STK3: variants seen among roughly 807,000 people sequenced by gnomAD.
STK3 encodes the protein serine/threonine kinase 3.
Under a neutral mutation model 58.0 loss-of-function variants are expected in STK3, and 41 were observed. That is an observed-to-expected ratio of 0.71 (90% CI 0.55 to 0.92). The LOEUF (loss-of-function observed/expected upper bound fraction) is 0.92. STK3 is among the 40% of genes least tolerant of loss of function. The pLI, the probability that STK3 is intolerant of heterozygous loss-of-function variation, is 0.00. For missense variants in STK3, 479 were observed against 602.7 expected, an observed-to-expected ratio of 0.79 and a Z score of 2.15; for synonymous variants, 170 against 191.0, an observed-to-expected ratio of 0.89 and a Z score of 0.91.
chr8:98,891,888 A>G (rs1167051658), intron 1 of STK3, among the ~76,000 whole-genome samples: 1 of 152,266 alleles, frequency 6.6e-6, no homozygotes, highest in Non-Finnish European at 1.5e-5. Flanking sequence ...ATTCTAGGAA[A>G]TACTCTGGTC....
intron 6 of STK3, among the ~76,000 whole-genome samples, chr8:98,696,538 C>G (rs1419027158): frequency 2.0e-5 from 3 of 151,988 alleles, no homozygotes; most frequent in Admixed American, 2.0e-4. Context: ...CCCATCAATA[C>G]CTAATTTATG....
chr8:98,411,467 C>T (rs916168186), intron 3 of STK3, among the ~76,000 whole-genome samples: 31 of 152,240 alleles, frequency 2.0e-4, no homozygotes, highest in African/African-American at 7.0e-4. Context: ...CTTTCTTCTT[C>T]CCCTATAGAG....
intron 3 of STK3, chr8:98,431,600 C>T (rs577592094): frequency 6.0e-6 from 1 of 167,114 alleles, no homozygotes; most frequent in African/African-American, 2.4e-5. Context: ...TATCCATGGC[C>T]GCTGACCAGG....
chr8:98,381,985 GTTTT>G (rs2131001864), intron 1 of STK3, among the ~76,000 whole-genome samples: 1 of 152,298 alleles, frequency 6.6e-6, no homozygotes, highest in East Asian at 1.9e-4. Flanking sequence ...TGAGTGTTGA[GTTTT>G]TTGTCACCTC....
chr8:98,767,754 AC>A (rs1831037827), intron 2 of STK3, among the ~76,000 whole-genome samples: 1 of 152,126 alleles, frequency 6.6e-6, no homozygotes, highest in African/African-American at 2.4e-5. Context: ...AAGGAAAATG[AC>A]CCCCAGAATA....
chr8:98,942,193 C>T (rs898557053), intron 1 of STK3, among the ~76,000 whole-genome samples: 3 of 152,202 alleles, frequency 2.0e-5, no homozygotes, highest in Non-Finnish European at 4.4e-5. Flanking sequence ...CAAGGGTCAG[C>T]CCCCAGTGGG....
intron 7 of STK3, among the ~76,000 whole-genome samples, chr8:98,590,625 C>A (rs1486850589): frequency 8.5e-5 from 13 of 152,238 alleles, no homozygotes; most frequent in Admixed American, 8.5e-4. Flanking sequence ...CACCAAATTT[C>A]ATGCACGTCC....
At chr8:98,615,418 AGGAACGC>A (rs1255414917) in intron 6 of STK3, among the ~76,000 whole-genome samples, 10 of 151,664 alleles carry the variant, frequency 6.6e-5, no homozygotes, top group Non-Finnish European at 5.9e-5. Flanking sequence ...CCTCCTCCAA[AGGAACGC>A]AGTTCCTCAC....
chr8:98,368,802 T>C (rs1290033391), downstream of STK3, among the ~76,000 whole-genome samples: 1 of 152,236 alleles, frequency 6.6e-6, no homozygotes, highest in Non-Finnish European at 1.5e-5. Context: ...GCCCTGGTCC[T>C]GGCTGTAACT....
intron 7 of STK3, among the ~76,000 whole-genome samples, chr8:98,582,400 C>T (rs73275874): frequency 6.6e-6 from 1 of 151,756 alleles, no homozygotes; most frequent in South Asian, 2.1e-4. Flanking sequence ...GTATTCAAAT[C>T]ATCCATTTTT....
At chr8:98,886,995 G>T (rs1420650279) in intron 1 of STK3, among the ~76,000 whole-genome samples, 1 of 152,148 alleles carries the variant, frequency 6.6e-6, no homozygotes, top group Non-Finnish European at 1.5e-5. Context: ...CTACTTGGGA[G>T]CCTGAGGCAG....
At chr8:98,830,234 A>G (rs1835475022), upstream of STK3, among the ~76,000 whole-genome samples, 1 of 152,180 alleles carries the variant, frequency 6.6e-6, no homozygotes, top group Non-Finnish European at 1.5e-5. Context: ...CCTCAAAAAA[A>G]TAAAAAGTAA....
chr8:98,419,066 G>A (rs1484630150), intron 3 of STK3, among the ~76,000 whole-genome samples: 1 of 152,194 alleles, frequency 6.6e-6, no homozygotes, highest in Non-Finnish European at 1.5e-5. Context: ...CTGGCCCCAG[G>A]AGTCTGTGAT....
At chr8:98,897,885 A>C (rs528699497) in intron 1 of STK3, among the ~76,000 whole-genome samples, 1 of 152,348 alleles carries the variant, frequency 6.6e-6, no homozygotes, top group East Asian at 1.9e-4. Context: ...TGATATGATC[A>C]CCACACCATA....
chr8:98,425,046 G>T (rs961354171), intron 3 of STK3, among the ~76,000 whole-genome samples: 7 of 152,196 alleles, frequency 4.6e-5, no homozygotes, highest in African/African-American at 1.7e-4. Context: ...GGTGTGGAAG[G>T]GGGGATTGGA....
At chr8:98,390,519 T>C (rs1036551222), upstream of STK3, among the ~76,000 whole-genome samples, 3 of 152,208 alleles carry the variant, frequency 2.0e-5, no homozygotes, top group Admixed American at 6.5e-5. Context: ...TTTGGGCTGA[T>C]TCTGTTTGGG....
chr8:98,382,460 C>T (rs1034878639), intron 1 of STK3, among the ~76,000 whole-genome samples: 12 of 152,148 alleles, frequency 7.9e-5, no homozygotes, highest in Admixed American at 2.0e-4. Context: ...GGAGACATTC[C>T]CAGCCCCAGG....
chr8:98,642,474 T>C (rs1820101351), intron 6 of STK3, among the ~76,000 whole-genome samples: 1 of 152,174 alleles, frequency 6.6e-6, no homozygotes, highest in South Asian at 2.1e-4. Context: ...CTTAAACCTT[T>C]AGAAGATTAG....
chr8:98,760,307 T>A (rs1414626874), intron 3 of STK3, among the ~76,000 whole-genome samples: 1 of 152,020 alleles, frequency 6.6e-6, no homozygotes, highest in South Asian at 2.1e-4. Context: ...CCGGACTAAT[T>A]TTTTTTATTT....
Sources: gnomAD v4.1 joint callset for allele counts (sites outside exome capture counted in the v4.1 genomes callset) on GRCh38, gnomAD v4.1.1 for gene constraint, MANE v1.5 for transcripts, NCBI Gene and HGNC (gene_info 2026-07-23, HGNC 2026-07-21) for gene names.